The following CTNNA1 variants were observed in gnomAD, a reference collection of about 807,000 sequenced individuals.
CTNNA1 encodes the protein catenin alpha-1.
CTNNA1 carries 37 observed loss-of-function variants against 98.4 expected under a neutral mutation model. That is an observed-to-expected ratio of 0.38 (90% CI 0.29 to 0.49). The LOEUF (loss-of-function observed/expected upper bound fraction) is 0.49. Among genes scored for constraint, CTNNA1 ranks in the 20% least tolerant of loss-of-function variants. The probability of loss-of-function intolerance (pLI) is 0.95; values close to 1 mark genes in which losing one functional copy is unlikely to be tolerated. For missense variants in CTNNA1, 761 were observed against 1,147.2 expected (o/e 0.66, Z 4.86); for synonymous variants, 404 against 413.2 (o/e 0.98, Z 0.27).
At chr5:138,918,935 C>T (rs1409764655) in intron 11 of CTNNA1, among the ~76,000 whole-genome samples, 1 of 152,168 alleles carries the variant, frequency 6.6e-6, no homozygotes, top group African/African-American at 2.4e-5. Flanking sequence ...CAGCAGTGAC[C>T]TATATAAGGG....
intron 7 of CTNNA1, among the ~76,000 whole-genome samples, chr5:138,863,394 C>T (rs1288697859): frequency 6.6e-6 from 1 of 152,068 alleles, no homozygotes; most frequent in Non-Finnish European, 1.5e-5. Context: ...TGTCACTACA[C>T]CTGGCTAATT....
chr5:138,830,483 G>T (rs147303219), intron 7 of CTNNA1, among the ~76,000 whole-genome samples: 2 of 152,172 alleles, frequency 1.3e-5, no homozygotes, highest in Non-Finnish European at 2.9e-5. Context: ...ATTGATTCAC[G>T]TAACAGTGAA....
At chr5:138,838,019 A>G (rs1761953791) in intron 7 of CTNNA1, among the ~76,000 whole-genome samples, 1 of 151,052 alleles carries the variant, frequency 6.6e-6, no homozygotes, top group African/African-American at 2.4e-5. Flanking sequence ...TGTTTCAATC[A>G]GCTCCCCAGT....
intron 7 of CTNNA1, among the ~76,000 whole-genome samples, chr5:138,865,760 C>T (rs1176856849): frequency 6.6e-6 from 1 of 152,106 alleles, no homozygotes; most frequent in Non-Finnish European, 1.5e-5. Flanking sequence ...GTATTCTGGA[C>T]CCTTGGGGTT....
chr5:138,905,159 G>A (rs1003277858), intron 10 of CTNNA1, among the ~76,000 whole-genome samples: 5 of 150,094 alleles, frequency 3.3e-5, no homozygotes, highest in African/African-American at 4.9e-5. Context: ...ACATGATGGC[G>A]TGCACCTGTA....
chr5:138,758,185 AATTTTATTT>A (rs1271813682), intron 1 of CTNNA1, among the ~76,000 whole-genome samples: 25 of 146,654 alleles, frequency 1.7e-4, no homozygotes, highest in Admixed American at 6.8e-4. Context: ...CTGGTATTTT[AATTTTATTT>A]ATTTTATTTA....
At chr5:138,812,141 C>T (rs2149736281) in intron 4 of CTNNA1, 42 bp from the exon 5 acceptor site, 9 of 1,586,768 alleles carry the variant, frequency 5.7e-6, no homozygotes, top group Middle Eastern at 3.4e-4. Context: ...TACAGACCTA[C>T]ATTCAGAATT....
At chr5:138,869,590 G>C (rs1258715334) in intron 7 of CTNNA1, 1 of 152,278 alleles carries the variant, frequency 6.6e-6, no homozygotes, top group Non-Finnish European at 1.5e-5. Flanking sequence ...CCTGATAGCT[G>C]TGTGTAGGAA....
intron 7 of CTNNA1, among the ~76,000 whole-genome samples, chr5:138,867,509 G>T (rs1220080418): frequency 6.6e-6 from 1 of 152,150 alleles, no homozygotes; most frequent in Non-Finnish European, 1.5e-5. Context: ...GTTGACCCTT[G>T]AGCAACATGG....
At chr5:138,818,846 G>C (rs1326237396) in intron 5 of CTNNA1, among the ~76,000 whole-genome samples, 4 of 152,174 alleles carry the variant, frequency 2.6e-5, no homozygotes, top group Non-Finnish European at 5.9e-5. Flanking sequence ...GCTCGCGGTG[G>C]CTGTGGGGCT....
At chr5:138,772,904 A>G (rs935298467) in intron 1 of CTNNA1, among the ~76,000 whole-genome samples, 2 of 134,254 alleles carry the variant, frequency 1.5e-5, no homozygotes, top group Non-Finnish European at 3.2e-5. Context: ...CATTTTATAG[A>G]TAGATGAAAA....
In CTNNA1 at chr5:138,777,988, C is replaced by CTT. The variant is rs777826985; in HGVS notation, c.-2-3913_-2-3912dup. 7.5e-3 allele frequency among the ~76,000 whole-genome samples: 111 copies of CTT among 14,856 alleles called. 39 individuals are homozygous for CTT. The highest frequency in any genetic ancestry group is 0.032 in the African/African-American group (106 of 3,356). 9.7% of individuals were successfully genotyped at this position (14,856 alleles called of 152,430 possible). A position where few individuals can be genotyped will look rare whatever the true frequency, so the allele number is the denominator to read the frequency against. On this transcript the variant is annotated intron_variant, in intron 1 of 17. Transcript: ENST00000302763. Reference sequence around the variant, plus strand: ...GGAGGGGAAATGTTTCTTAATCTGTCTTTTTTTTTTTTTTTTTTTTTTTAA... The same window carrying CTT: ...GGAGGGGAAATGTTTCTTAATCTGTCTTTTTTTTTTTTTTTTTTTTTTTTTAA...
intron 9 of CTNNA1, chr5:138,891,342 A>G (rs988416559): frequency 1.3e-5 from 2 of 151,868 alleles, no homozygotes; most frequent in African/African-American, 4.8e-5. Context: ...GAGACAGCAT[A>G]TTTAACTGGT....
intron 5 of CTNNA1, among the ~76,000 whole-genome samples, chr5:138,823,379 T>TG (rs1237635489): frequency 1.3e-5 from 2 of 151,994 alleles, no homozygotes; most frequent in African/African-American, 4.8e-5. Context: ...GTAGAAGAAA[T>TG]GAAAAAAAGT....
At chr5:138,760,446 C>T (rs1266162928) in intron 1 of CTNNA1, among the ~76,000 whole-genome samples, 3 of 96,640 alleles carry the variant, frequency 3.1e-5, no homozygotes, top group African/African-American at 4.3e-5. Context: ...TCACCACAAC[C>T]TCTGCCTCCC....
chr5:138,776,035 GTTTCTT>G (rs1754096569), intron 1 of CTNNA1, among the ~76,000 whole-genome samples: 3 of 68,104 alleles, frequency 4.4e-5, no homozygotes. Context: ...CTCTGGAAAT[GTTTCTT>G]TTTTTTTTTT....
intron 7 of CTNNA1, among the ~76,000 whole-genome samples, chr5:138,857,243 T>G (rs73263447): frequency 0.013 from 1,966 of 152,304 alleles, 48 homozygotes; most frequent in African/African-American, 0.04. Flanking sequence ...ATCCTAGCCG[T>G]CTTCAGAAAT....
intron 16 of CTNNA1, 24 bp downstream of exon 16, chr5:138,930,959 G>A (rs182653601): frequency 6.5e-7 from 1 of 1,527,134 alleles, no homozygotes; most frequent in African/African-American, 1.4e-5. Context: ...TTGCCAGGTG[G>A]GTCTCCAAGC....
At chr5:138,896,072 A>G (rs886221376) in intron 9 of CTNNA1, among the ~76,000 whole-genome samples, 1 of 152,240 alleles carries the variant, frequency 6.6e-6, no homozygotes, top group African/African-American at 2.4e-5. Flanking sequence ...GTGTTTTATG[A>G]TGCCTTGTGT....
Sources: allele counts gnomAD v4.1 joint callset (sites outside exome capture counted in the v4.1 genomes callset), GRCh38; gene constraint gnomAD v4.1.1; transcripts MANE v1.5; gene names NCBI Gene and HGNC (gene_info 2026-07-23, HGNC 2026-07-21).